The following TTL variants were observed in gnomAD, a reference collection of about 807,000 sequenced individuals.
TTL encodes the protein tubulin tyrosine ligase, also known as tubulin--tyrosine ligase.
Under a neutral mutation model 41.1 loss-of-function variants are expected in TTL, and 10 were observed. The ratio of observed to expected loss-of-function variants is 0.24; its 90% CI spans 0.15 to 0.41. The LOEUF is 0.41. TTL is among the 10% of genes least tolerant of loss of function. The pLI, the probability that TTL is intolerant of heterozygous loss-of-function variation, is 1.00. For synonymous variants in TTL, 175 were observed against 175.5 expected (o/e 1.00, Z 0.02); for missense variants, 367 against 460.4 (o/e 0.80, Z 1.86).
chr2:112,493,236 G>A (rs1001698857), intron 2 of TTL, among the ~76,000 whole-genome samples: 1 of 152,102 alleles, frequency 6.6e-6, no homozygotes, highest in African/African-American at 2.4e-5. Context: ...AGAAGAGGGA[G>A]CACAGCTCAG....
intron 3 of TTL, among the ~76,000 whole-genome samples, chr2:112,498,925 T>C (rs1314680206): frequency 6.6e-6 from 1 of 151,844 alleles, no homozygotes; most frequent in African/African-American, 2.4e-5. Flanking sequence ...CTTAAACATC[T>C]TGAAAAAGAA....
chr2:112,524,370 A>G (rs1445203478), intron 6 of TTL, among the ~76,000 whole-genome samples: 2 of 152,208 alleles, frequency 1.3e-5, no homozygotes, highest in Admixed American at 6.5e-5. Flanking sequence ...GAATCGCCAC[A>G]CTGTCTTCTG....
chr2:112,511,161 C>G (rs754335155), intron 5 of TTL, among the ~76,000 whole-genome samples: 3 of 151,974 alleles, frequency 2.0e-5, no homozygotes, highest in Non-Finnish European at 2.9e-5. Context: ...TGCATGCCAC[C>G]AAACCCACCT....
At position 112,532,128 on chromosome 2, in the gene TTL, C is replaced by T. The variant is rs554638739; in HGVS notation, c.*3333C>T. 6 of 226,400 alleles carry T rather than the reference C, an allele frequency of 2.7e-5. No individual in the cohort carries two copies. Among genetic ancestry groups the T allele is most frequent in the South Asian group, 1.8e-4 (1 of 5,466 alleles). 14.0% of individuals were successfully genotyped at this position (226,400 alleles called of 1,614,324 possible). ...GGGAGTGCTGGAAATGTACTGTGAT[C>T]GAAGTGACAAAGTGTGTTTTCATTC... On this transcript the variant is annotated 3_prime_UTR_variant, in exon 7 of 7. Coordinates refer to ENST00000233336, the MANE Select transcript of TTL (RefSeq NM_153712.5).
chr2:112,518,757 C>G (rs1682142758), intron 5 of TTL, among the ~76,000 whole-genome samples: 1 of 151,712 alleles, frequency 6.6e-6, no homozygotes, highest in South Asian at 2.1e-4. Flanking sequence ...TCACTGCAAC[C>G]TCTGCCCCCT....
intron 6 of TTL, among the ~76,000 whole-genome samples, chr2:112,525,631 A>G (rs9750666): frequency 0.11 from 17,254 of 152,154 alleles, 1,109 homozygotes; most frequent in South Asian, 0.16. Context: ...TTTGCACATC[A>G]ATTTTGTATC....
intron 2 of TTL, among the ~76,000 whole-genome samples, chr2:112,493,756 T>A (rs1681453419): frequency 1.3e-5 from 2 of 152,224 alleles, no homozygotes; most frequent in Admixed American, 6.5e-5. Flanking sequence ...GCCAGGATAG[T>A]CTTTTTGCTA....
chr2:112,526,493 A>C lies in TTL; in HGVS notation c.1020-2188A>C, dbSNP rs569440414. ...AGTTATTGGTCTATTCAGGGATTCA[A>C]CTTCTTCCTTGTTTAGTCTTGGGAG... On this transcript the variant is annotated intron_variant, in intron 6 of 6. Coordinates refer to ENST00000233336, the MANE Select transcript of TTL (RefSeq NM_153712.5). Among the ~76,000 whole-genome samples, 223 of 152,302 alleles carry C rather than the reference A, an allele frequency of 1.5e-3. 2 individuals carry two copies. In the South Asian group the frequency reaches 0.026, roughly 17 times the overall value.
In TTL at chr2:112,536,826, C is replaced by G. The variant is rs1682608399; in HGVS notation, c.*8031C>G. 6.6e-6 allele frequency: 1 copy of G among 152,238 alleles called. No individual in the cohort carries two copies. The highest frequency in any genetic ancestry group is 2.4e-5 in the African/African-American group (1 of 41,462). The allele number at this position is 152,238 out of a possible 1,614,324, so 9.4% of individuals were successfully genotyped here. A position where few individuals can be genotyped will look rare whatever the true frequency, so the allele number is the denominator to read the frequency against. ...TTTCACTTAGGATAATGGCCTCCAG[C>G]AGCATCCATGTTACTGCAAAGGACA... is the stretch of plus-strand genomic sequence containing the variant. On this transcript the variant is annotated 3_prime_UTR_variant, in exon 7 of 7. Transcript: ENST00000233336.
chr2:112,492,657 G>C (rs1446673400), intron 2 of TTL, among the ~76,000 whole-genome samples: 1 of 152,078 alleles, frequency 6.6e-6, no homozygotes, highest in Non-Finnish European at 1.5e-5. Flanking sequence ...GTGAACCCAG[G>C]AGGCAGAGCT....
chr2:112,511,407 A>G (rs1377829015), intron 5 of TTL, among the ~76,000 whole-genome samples: 1 of 152,046 alleles, frequency 6.6e-6, no homozygotes, highest in Non-Finnish European at 1.5e-5. Flanking sequence ...ACTGAAGTCT[A>G]CAAGTATAAT....
Position 112,529,095 on chromosome 2 carries a change from AC to A in TTL, c.*302del. The A allele has an allele frequency of 2.2e-6, 1 of 453,432 alleles. No homozygotes were observed. The highest frequency in any genetic ancestry group is 4.0e-6 in the Non-Finnish European group (1 of 246,914). The allele number at this position is 453,432 out of a possible 1,614,324, so 28.1% of individuals were successfully genotyped here. On this transcript the variant is annotated 3_prime_UTR_variant, in exon 7 of 7. Coordinates refer to ENST00000233336, the MANE Select transcript of TTL (RefSeq NM_153712.5). ...TCCCCGGGAACGGCAGGGCACTGGG[AC>A]CTCTGGTCGGTGCCTCCCACCCACT... is the stretch of plus-strand genomic sequence containing the variant.
chr2:112,502,883 A>G (rs1681739862), intron 4 of TTL, 29 bp from the exon 5 acceptor site: 2 of 1,587,672 alleles, frequency 1.3e-6, no homozygotes, highest in Admixed American at 1.8e-5. Flanking sequence ...GGATGACTTG[A>G]GTAAAGCAGT....
In TTL at chr2:112,529,237, A is replaced by G. The variant is rs993221364; in HGVS notation, c.*442A>G. 6.1e-5 allele frequency: 17 copies of G among 280,128 alleles called. No individual in the cohort carries two copies. Among genetic ancestry groups the G allele is most frequent in the African/African-American group, 3.2e-4 (15 of 47,004 alleles). 17.4% of individuals were successfully genotyped at this position (280,128 alleles called of 1,614,324 possible). A position where few individuals can be genotyped will look rare whatever the true frequency, so the allele number is the denominator to read the frequency against. On this transcript the variant is annotated 3_prime_UTR_variant, in exon 7 of 7. Coordinates refer to ENST00000233336, the MANE Select transcript of TTL (RefSeq NM_153712.5). ...GTGTTCCCCACCCATCCCTTCGGTA[A>G]CACTCTGCCACACTAAGCTCTGTAC... is the stretch of plus-strand genomic sequence containing the variant.
At chr2:112,524,311 G>A (rs567561829) in intron 6 of TTL, among the ~76,000 whole-genome samples, 4 of 152,350 alleles carry the variant, frequency 2.6e-5, no homozygotes, top group African/African-American at 7.2e-5. Flanking sequence ...TATATACCCA[G>A]TAATGGGATG....
intron 3 of TTL, among the ~76,000 whole-genome samples, chr2:112,496,987 AT>A (rs1681550975): frequency 6.6e-6 from 1 of 151,790 alleles, no homozygotes; most frequent in Non-Finnish European, 1.5e-5. Flanking sequence ...CACCCGGCTA[AT>A]TTTTTGTACT....
Position 112,482,344 on chromosome 2 carries a change from C to A in TTL, c.-1C>A. 1.3e-6 allele frequency: 2 copies of A among 1,540,236 alleles called. No homozygotes were observed. Among genetic ancestry groups the A allele is most frequent in the Non-Finnish European group, 1.8e-6 (2 of 1,142,818 alleles). ...GCGGCCCGGGCGCGCGGCGCTTCGC[C>A]ATGTACACCTTCGTGGTACGCGATG... On this transcript the variant is annotated 5_prime_UTR_variant, in exon 1 of 7. Transcript: ENST00000233336. The surrounding 1 kb of genome is among the most constrained non-coding windows in gnomAD (Gnocchi z 5.3).
chr2:112,485,928 G>T lies in TTL; in HGVS notation c.169G>T (p.Gly57Trp). 6.2e-7 allele frequency: 1 copy of T among 1,613,972 alleles called. No homozygotes were observed. Among genetic ancestry groups the T allele is most frequent in the South Asian group, 1.1e-5 (1 of 91,076 alleles). The stretch of plus-strand genomic sequence containing the variant: ...TCTTTCCTTCCTAGGTCACGAGCCC[G>T]GGCTGGTACAGTTGGTGAATTACTA... ...LPFGRLGHEP[G>W]LVQLVNYYRG... Residue 57 changes from glycine to tryptophan, a missense_variant, in exon 2 of 7, where the codon GGG (glycine) becomes TGG (tryptophan). Coordinates refer to ENST00000233336, the MANE Select transcript of TTL (RefSeq NM_153712.5).
Position 112,482,228 on chromosome 2 carries a change from C to A in TTL, c.-117C>A. ...CACCCGAGAGGCGCGGTAGCCGGCGCGGGCGGCGGGGGCCGGGCCGCGGCG... is the reference window on the plus strand; with the variant it reads ...CACCCGAGAGGCGCGGTAGCCGGCGAGGGCGGCGGGGGCCGGGCCGCGGCG... On this transcript the variant is annotated 5_prime_UTR_variant, in exon 1 of 7. Transcript: ENST00000233336. The surrounding 1 kb of genome is among the most constrained non-coding windows in gnomAD (Gnocchi z 5.3). 1 of 756,952 alleles carries A rather than the reference C, an allele frequency of 1.3e-6. No homozygotes were observed. Among genetic ancestry groups the A allele is most frequent in the Non-Finnish European group, 1.6e-6 (1 of 624,768 alleles). 46.9% of individuals were successfully genotyped at this position (756,952 alleles called of 1,614,324 possible).
Sources: gnomAD v4.1 joint callset for allele counts (sites outside exome capture counted in the v4.1 genomes callset) on GRCh38, gnomAD v4.1.1 for gene constraint, Gnocchi (gnomAD v3.1) non-coding constraint, MANE v1.5 for transcripts, NCBI Gene and HGNC (gene_info 2026-07-23, HGNC 2026-07-21) for gene names.